Variants in TMEM132E observed in about 807,000 individuals in gnomAD.
TMEM132E encodes the protein transmembrane protein 132E.
In TMEM132E, 49 loss-of-function variants were observed where a neutral mutation model predicts 78.5. That is an observed-to-expected ratio of 0.62 (90% confidence interval 0.50 to 0.79). The LOEUF (loss-of-function observed/expected upper bound fraction) is 0.79. Among genes scored for constraint, TMEM132E ranks in the 30% least tolerant of loss-of-function variants. The pLI is 0.00. For missense variants in TMEM132E, 1,403 were observed against 1,470.9 expected, an observed-to-expected ratio of 0.95 and a Z score of 0.75; for synonymous variants, 715 against 670.6, an observed-to-expected ratio of 1.07 and a Z score of -1.02.
At chr17:34,591,663 C>T (rs537571534) in intron 1 of TMEM132E, among the ~76,000 whole-genome samples, 9 of 152,256 alleles carry the variant, frequency 5.9e-5, no homozygotes, top group African/African-American at 1.9e-4. Context: ...CCTCATCCAA[C>T]AGTCAGCCAG....
chr17:34,599,652 T>TTATTTTTATTTTG (rs1332189938), intron 1 of TMEM132E, among the ~76,000 whole-genome samples: 3 of 152,196 alleles, frequency 2.0e-5, no homozygotes, highest in Non-Finnish European at 4.4e-5. Flanking sequence ...TTTTTATTTT[T>TTATTTTTATTTTG]TATTTTTATT....
chr17:34,590,758 C>T (rs1219006428), intron 1 of TMEM132E, among the ~76,000 whole-genome samples: 1 of 151,974 alleles, frequency 6.6e-6, no homozygotes, highest in African/African-American at 2.4e-5. Flanking sequence ...AAGACTTTGG[C>T]CCAATGTTCC....
In TMEM132E at chr17:34,580,859, C is replaced by A; in HGVS notation, c.-218C>A. 6.5e-6 allele frequency: 3 copies of A among 462,430 alleles called. No homozygotes were observed. The South Asian group carries it at 1.1e-4, about 17-fold the overall frequency. The allele number at this position is 462,430 out of a possible 1,614,324, so 28.6% of individuals were successfully genotyped here. ...GGGGGAGGTGGAGGCTCCTCCCGCC[C>A]GGAGCTGCGCCCCCACCGGCTCCGA... On this transcript the variant is annotated 5_prime_UTR_variant, in exon 1 of 9. Coordinates refer to ENST00000631683, the MANE Select transcript of TMEM132E (RefSeq NM_001304438.2).
In TMEM132E at chr17:34,627,171, C is replaced by G. The variant is rs1907180061; in HGVS notation, c.998+114C>G. The G allele has an allele frequency of 5.2e-6, 6 of 1,164,022 alleles. No individual in the cohort carries two copies. In the East Asian group the frequency reaches 7.4e-5, roughly 14 times the overall value. The allele number at this position is 1,164,022 out of a possible 1,614,324, so 72.1% of individuals were successfully genotyped here. On this transcript the variant is annotated intron_variant, in intron 2 of 8. Transcript: ENST00000631683. Reference sequence around the variant, plus strand: ...ACCTCCCAGCTGTATCCCTGTCCAGCATCCTAATCCCGGATCTGTCACTTA... The same window carrying G: ...ACCTCCCAGCTGTATCCCTGTCCAGGATCCTAATCCCGGATCTGTCACTTA...
At chr17:34,595,455 G>A (rs1396195727) in intron 1 of TMEM132E, among the ~76,000 whole-genome samples, 1 of 152,210 alleles carries the variant, frequency 6.6e-6, no homozygotes, top group East Asian at 1.9e-4. Flanking sequence ...AGGGTGCCCT[G>A]CATACAGCTG....
rs576541327 is a variant in TMEM132E, at chr17:34,637,894, G to A, written c.2887G>A (p.Ala963Thr). Reference sequence around the variant, plus strand: ...AGGCAACCCGCTGGAAACCGTGCCCGCCTTCTGCCACGGCGACCACCACAG... The same window carrying A: ...AGGCAACCCGCTGGAAACCGTGCCCACCTTCTGCCACGGCGACCACCACAG... ...PAGNPLETVP[A>T]FCHGDHHSSG... Residue 963 changes from alanine to threonine, a missense_variant, in exon 9 of 9, where the codon GCC becomes ACC. By Grantham distance (58) the Ala-to-Thr change is moderately conservative. Transcript: ENST00000631683. The A allele has an allele frequency of 2.2e-5, 35 of 1,606,764 alleles. No homozygotes were observed. Among genetic ancestry groups the A allele is most frequent in the Middle Eastern group, 3.4e-4 (2 of 5,862 alleles).
intron 1 of TMEM132E, among the ~76,000 whole-genome samples, chr17:34,617,693 C>T (rs1906827204): frequency 6.6e-6 from 1 of 152,172 alleles, no homozygotes; most frequent in South Asian, 2.1e-4. Flanking sequence ...ACAGCTATGT[C>T]AGAGCTGAAA....
chr17:34,627,114 G>C, intron 2 of TMEM132E, 57 bp downstream of exon 2: 3 of 737,212 alleles, frequency 4.1e-6, no homozygotes, highest in Non-Finnish European at 6.9e-6. Flanking sequence ...ATGCATACCT[G>C]ACTCCTTGTG....
intron 7 of TMEM132E, chr17:34,635,765 T>C (rs1907497875): frequency 2.6e-6 from 1 of 386,156 alleles, no homozygotes. Flanking sequence ...TTCCTTAGAA[T>C]TGGCCCACCT....
rs114486458 is a variant in TMEM132E at position 34,619,658 on chromosome 17, G to C, written c.68-6469G>C. The stretch of plus-strand genomic sequence containing the variant: ...TCTTCACCAACCCTTCCTACTTAGT[G>C]CTATGTTCCAAGCATCTGCCATGAT... On this transcript the variant is annotated intron_variant, in intron 1 of 8. Coordinates refer to ENST00000631683, the MANE Select transcript of TMEM132E (RefSeq NM_001304438.2). 5.7e-3 allele frequency among the ~76,000 whole-genome samples: 862 copies of C among 151,812 alleles called. 8 individuals are homozygous for C. The highest frequency in any genetic ancestry group is 0.02 in the African/African-American group (829 of 41,330).
At position 34,588,244 on chromosome 17, in the gene TMEM132E, G is replaced by T. The variant is rs111763857; in HGVS notation, c.67+7101G>T. 4.2e-3 allele frequency among the ~76,000 whole-genome samples: 642 copies of T among 152,194 alleles called. 8 individuals carry two copies. The highest frequency in any genetic ancestry group is 0.014 in the African/African-American group (599 of 41,530). ...AGAGCATATCCACCACTTCTTCCTGGAAGCCCATCCCTATTCTAAGAACAA... is the reference window on the plus strand; with the variant it reads ...AGAGCATATCCACCACTTCTTCCTGTAAGCCCATCCCTATTCTAAGAACAA... On this transcript the variant is annotated intron_variant, in intron 1 of 8. Transcript: ENST00000631683.
At chr17:34,616,534 G>A (rs955038363) in intron 1 of TMEM132E, among the ~76,000 whole-genome samples, 2 of 152,216 alleles carry the variant, frequency 1.3e-5, no homozygotes, top group African/African-American at 4.8e-5. Flanking sequence ...AGCCCAGGCT[G>A]CAGTCACCCA....
chr17:34,607,697 G>A (rs1256195266), intron 1 of TMEM132E, among the ~76,000 whole-genome samples: 1 of 152,078 alleles, frequency 6.6e-6, no homozygotes, highest in East Asian at 1.9e-4. Context: ...GGATTCCCAG[G>A]ACCCCTTCCT....
Position 34,635,074 on chromosome 17 carries a change from C to G in TMEM132E, c.1964C>G (p.Thr655Ser), listed in dbSNP as rs1363485885. 15 of 1,612,540 alleles carry G rather than the reference C, an allele frequency of 9.3e-6. No individual in the cohort carries two copies. The highest frequency in any genetic ancestry group is 1.2e-5 in the Non-Finnish European group (14 of 1,179,296). Residue 655 changes from threonine to serine, a missense_variant, in exon 7 of 9, where the codon ACC (threonine) becomes AGC (serine). Transcript: ENST00000631683. Reference protein sequence around the residue: ...SSTLAGLEPGTTPFKVVSPLT... With the variant: ...SSTLAGLEPGSTPFKVVSPLT... ...ACGCTGGCAGGACTGGAGCCAGGCA[C>G]CACCCCCTTTAAGGTAGGTATGGGC...
In TMEM132E at chr17:34,638,652, T is replaced by C. The variant is rs1255346628; in HGVS notation, c.*420T>C. 1 of 176,406 alleles carries C rather than the reference T, an allele frequency of 5.7e-6. No homozygotes were observed. The highest frequency in any genetic ancestry group is 1.2e-5 in the Non-Finnish European group (1 of 84,410). The allele number at this position is 176,406 out of a possible 1,614,324, so 10.9% of individuals were successfully genotyped here. On this transcript the variant is annotated 3_prime_UTR_variant, in exon 9 of 9. Coordinates refer to ENST00000631683, the MANE Select transcript of TMEM132E (RefSeq NM_001304438.2). ...CTGTGCAGGGGGTTCTGTGGGGGTC[T>C]TGTGTCACAGGCTGCACAAAGACTT...
At chr17:34,585,335 G>T (rs1444202722) in intron 1 of TMEM132E, among the ~76,000 whole-genome samples, 2 of 152,202 alleles carry the variant, frequency 1.3e-5, no homozygotes, top group East Asian at 3.9e-4. Flanking sequence ...GACAGACCCT[G>T]GACTTGAGAT....
rs530311078 is a variant in TMEM132E at position 34,635,112 on chromosome 17, C to A, written c.1977+25C>A. ...GGTAGGTATGGGCTCTGTCCCAGCA[C>A]AAAGGGGCAGTGTCGGGAGCCTTAT... is the stretch of plus-strand genomic sequence containing the variant. On this transcript the variant is annotated intron_variant, in intron 7 of 8. Coordinates refer to ENST00000631683, the MANE Select transcript of TMEM132E (RefSeq NM_001304438.2). The A allele has an allele frequency of 1.1e-5, 17 of 1,582,304 alleles. No individual in the cohort carries two copies. The South Asian group carries it at 1.4e-4, about 13-fold the overall frequency.
chr17:34,596,375 A>G (rs1906060386), intron 1 of TMEM132E, among the ~76,000 whole-genome samples: 1 of 152,188 alleles, frequency 6.6e-6, no homozygotes, highest in Non-Finnish European at 1.5e-5. Context: ...CTGCCAGGTC[A>G]CAGAGACAGA....
chr17:34,595,431 G>A (rs1904808243), intron 1 of TMEM132E, among the ~76,000 whole-genome samples: 2 of 152,150 alleles, frequency 1.3e-5, no homozygotes, highest in Admixed American at 1.3e-4. Context: ...CAGCCAATGG[G>A]AAGACCTCCT....
Sources: gnomAD v4.1 joint callset for allele counts (sites outside exome capture counted in the v4.1 genomes callset) on GRCh38, gnomAD v4.1.1 for gene constraint, MANE v1.5 for transcripts, NCBI Gene and HGNC (gene_info 2026-07-23, HGNC 2026-07-21) for gene names.